ANO1: variants seen among roughly 807,000 people sequenced by gnomAD.
ANO1 encodes anoctamin-1.
A neutral mutation model predicts 124.0 loss-of-function variants in ANO1; 59 were observed. The ratio of observed to expected loss-of-function variants is 0.48; its 90% CI spans 0.39 to 0.59. The LOEUF is 0.59. ANO1 is among the 20% of genes least tolerant of loss of function. The pLI, the probability that ANO1 is intolerant of heterozygous loss-of-function variation, is 0.00. For synonymous variants in ANO1, 529 were observed against 532.0 expected (o/e 0.99, Z 0.08); for missense variants, 1,059 against 1,328.0 (o/e 0.80, Z 3.15).
At chr11:70,165,641 G>T in intron 20 of ANO1, 71 bp downstream of exon 20, 3 of 1,317,124 alleles carry the variant, frequency 2.3e-6, no homozygotes, top group Middle Eastern at 4.3e-4. Flanking sequence ...TGGCTCCTGC[G>T]GGGGTCTGGG....
At chr11:70,136,269 T>A (rs754675962) in intron 11 of ANO1, among the ~76,000 whole-genome samples, 4 of 152,164 alleles carry the variant, frequency 2.6e-5, no homozygotes, top group Non-Finnish European at 4.4e-5. Context: ...GCTCTGGGCT[T>A]GTCGGTCCCC....
At chr11:70,072,726 G>C (rs934996135) in intron 1 of ANO1, 1 of 152,338 alleles carries the variant, frequency 6.6e-6, no homozygotes, top group Non-Finnish European at 1.5e-5. Context: ...TGCAACTTTG[G>C]TGCACTCACG....
At position 70,152,441 on chromosome 11, in the gene ANO1, TCCCTG is replaced by T. The variant is rs765748874; in HGVS notation, c.1342-8_1342-4del. 5.6e-6 allele frequency: 9 copies of T among 1,612,348 alleles called. No homozygotes were observed. In the East Asian group the frequency reaches 2.0e-4, roughly 36 times the overall value. On this transcript the variant is annotated splice_polypyrimidine_tract_variant and splice_region_variant and intron_variant, in intron 12 of 25. Coordinates refer to ENST00000355303, the MANE Select transcript of ANO1 (RefSeq NM_018043.7). ...GTGTTTTTGTTTTTACTTTTCTGGT[TCCCTG>T]AAGGAGGCTGTCAAGGTTTGGAACT...
At chr11:70,168,497 A>G (rs1188045189) in intron 21 of ANO1, among the ~76,000 whole-genome samples, 1 of 151,990 alleles carries the variant, frequency 6.6e-6, no homozygotes. Context: ...TCCCCCCGGT[A>G]GGACGGCAGC....
chr11:70,067,414 A>G (rs1462345573), intron 1 of ANO1, among the ~76,000 whole-genome samples: 1 of 134,502 alleles, frequency 7.4e-6, no homozygotes, highest in Non-Finnish European at 1.5e-5. Flanking sequence ...TGCAACCTCC[A>G]CCCCCTAGGT....
chr11:70,165,308 T>C, intron 19 of ANO1, 162 bp from the exon 20 acceptor site: 1 of 636,424 alleles, frequency 1.6e-6, no homozygotes, highest in Non-Finnish European at 2.8e-6. Flanking sequence ...AAGACCCTTT[T>C]TGCAAATAAG....
intron 1 of ANO1, among the ~76,000 whole-genome samples, chr11:70,006,663 C>T (rs200616387): frequency 1.1e-3 from 96 of 88,938 alleles, no homozygotes; most frequent in East Asian, 3.5e-3. Flanking sequence ...TTTCTTCTTT[C>T]TTTTTTTTTT....
chr11:69,997,766 T>C (rs1489071038), intron 1 of ANO1, among the ~76,000 whole-genome samples: 1 of 152,106 alleles, frequency 6.6e-6, no homozygotes, highest in African/African-American at 2.4e-5. Flanking sequence ...CATCGGGTTG[T>C]TTTAAAAGTG....
At chr11:70,132,975 G>T (rs140070695) in intron 11 of ANO1, among the ~76,000 whole-genome samples, 29 of 152,294 alleles carry the variant, frequency 1.9e-4, no homozygotes, top group African/African-American at 5.8e-4. Flanking sequence ...AGAGGTGTGA[G>T]GCCCTTCAGA....
chr11:70,047,835 G>T (rs920785135), intron 1 of ANO1, among the ~76,000 whole-genome samples: 1 of 152,224 alleles, frequency 6.6e-6, no homozygotes, highest in Non-Finnish European at 1.5e-5. Context: ...AGGAAGAATG[G>T]TATTTTCTTT....
chr11:70,125,658 C>A (rs544699764), intron 9 of ANO1, among the ~76,000 whole-genome samples: 1 of 151,142 alleles, frequency 6.6e-6, no homozygotes, highest in South Asian at 2.1e-4. Flanking sequence ...TCCTGGCTAA[C>A]ACGGCGAAAC....
At chr11:70,076,653 TC>T (rs1305518528), upstream of ANO1, among the ~76,000 whole-genome samples, 2 of 152,154 alleles carry the variant, frequency 1.3e-5, no homozygotes, top group Non-Finnish European at 2.9e-5. Flanking sequence ...GGAGCACTGT[TC>T]CTGGCATGGA....
intron 1 of ANO1, among the ~76,000 whole-genome samples, chr11:70,036,853 C>T (rs1015333607): frequency 5.3e-5 from 8 of 152,266 alleles, no homozygotes; most frequent in East Asian, 1.9e-4. Flanking sequence ...GTGATCTGCC[C>T]GCCTCAGCCT....
At chr11:70,030,346 G>A (rs1370960057) in intron 1 of ANO1, among the ~76,000 whole-genome samples, 2 of 152,174 alleles carry the variant, frequency 1.3e-5, no homozygotes, top group East Asian at 1.9e-4. Context: ...CCCATAAACC[G>A]GACTCCTTGA....
chr11:70,033,752 T>A (rs1857045953), intron 1 of ANO1, among the ~76,000 whole-genome samples: 1 of 151,974 alleles, frequency 6.6e-6, no homozygotes, highest in Admixed American at 6.6e-5. Flanking sequence ...TATTGAAACA[T>A]GGCCATGCTC....
rs369805778 is a variant in ANO1, at chr11:70,187,747, A to G, written c.2704A>G (p.Met902Val). Residue 902 changes from methionine to valine, a missense_variant, in exon 26 of 26, where the codon ATG (methionine) becomes GTG (valine). Transcript: ENST00000355303. ...AFVIVFQNLV[M>V]FMSDFVDWVI... ...TTGCCTCTCCTTCCAGAACCTGGTC[A>G]TGTTCATGAGCGACTTTGTGGACTG... 26 of 1,607,960 alleles carry G rather than the reference A, an allele frequency of 1.6e-5. No individual in the cohort carries two copies. The highest frequency in any genetic ancestry group is 2.2e-5 in the East Asian group (1 of 44,750).
chr11:70,015,506 G>A (rs563192479), intron 1 of ANO1, among the ~76,000 whole-genome samples: 1 of 152,300 alleles, frequency 6.6e-6, no homozygotes, highest in African/African-American at 2.4e-5. Context: ...GTGGGGCAGA[G>A]GAGACCCTGT....
At chr11:69,970,993 C>T in the ANO1 span, among the ~76,000 whole-genome samples, 1 of 152,248 alleles carries the variant, frequency 6.6e-6, no homozygotes, top group Non-Finnish European at 1.5e-5. Flanking sequence ...CATGGCCACA[C>T]CTGGCTGCAG....
intron 2 of ANO1, among the ~76,000 whole-genome samples, chr11:70,096,505 G>A (rs1393947787): frequency 6.6e-6 from 1 of 152,148 alleles, no homozygotes; most frequent in African/African-American, 2.4e-5. Context: ...GTTATGAACA[G>A]TGCATGCGAG....
Sources: gnomAD v4.1 joint callset for allele counts (sites outside exome capture counted in the v4.1 genomes callset) on GRCh38, gnomAD v4.1.1 for gene constraint, MANE v1.5 for transcripts, NCBI Gene and HGNC (gene_info 2026-07-23, HGNC 2026-07-21) for gene names.